CLEC17A: variants seen among roughly 807,000 people sequenced by gnomAD.
CLEC17A encodes C-type lectin domain family 17, member A.
In CLEC17A, 37 loss-of-function variants were observed where a neutral mutation model predicts 61.3. The observed-to-expected ratio is 0.60, with a 90% CI of 0.46 to 0.79. CLEC17A has a LOEUF of 0.79. Among genes scored for constraint, CLEC17A ranks in the 30% least tolerant of loss-of-function variants. The pLI is 0.00. For synonymous variants in CLEC17A, 168 were observed against 164.9 expected, an observed-to-expected ratio of 1.02 and a Z score of -0.14; for missense variants, 418 against 464.7, an observed-to-expected ratio of 0.90 and a Z score of 0.92.
At chr19:14,582,374 A>G (rs1007330935), upstream of CLEC17A, among the ~76,000 whole-genome samples, 7 of 151,302 alleles carry the variant, frequency 4.6e-5, no homozygotes, top group African/African-American at 9.7e-5. Context: ...CACCACACCC[A>G]GCTAATTTTT....
intron 2 of CLEC17A, among the ~76,000 whole-genome samples, chr19:14,586,563 T>A (rs1489145764): frequency 2.0e-5 from 3 of 151,914 alleles, no homozygotes; most frequent in South Asian, 2.1e-4. Flanking sequence ...CTGGGACTAC[T>A]GGTGTGCACC....
At chr19:14,607,313 T>TC (rs760683163) in intron 13 of CLEC17A, among the ~76,000 whole-genome samples, 65 of 151,396 alleles carry the variant, frequency 4.3e-4, no homozygotes, top group Non-Finnish European at 8.4e-4. Flanking sequence ...CAAGGTATTC[T>TC]CTGCCTCAGC....
intron 3 of CLEC17A, among the ~76,000 whole-genome samples, chr19:14,591,786 A>G (rs1055650461): frequency 1.3e-5 from 2 of 150,236 alleles, no homozygotes; most frequent in African/African-American, 4.9e-5. Flanking sequence ...TCGAACTCCC[A>G]AACTCAGGCA....
intron 3 of CLEC17A, 59 bp downstream of exon 3, chr19:14,587,750 G>A: frequency 6.2e-7 from 1 of 1,603,564 alleles, no homozygotes; most frequent in East Asian, 2.3e-5. Flanking sequence ...TCTCCAGTGG[G>A]CATTGGTTGG....
At chr19:14,593,736 G>A (rs965693839) in intron 4 of CLEC17A, among the ~76,000 whole-genome samples, 18 of 151,886 alleles carry the variant, frequency 1.2e-4, no homozygotes, top group African/African-American at 2.4e-5. Context: ...TGAGGCGGGT[G>A]GATCACGAGG....
chr19:14,591,140 T>A (rs2074403959), intron 3 of CLEC17A, among the ~76,000 whole-genome samples: 1 of 151,718 alleles, frequency 6.6e-6, no homozygotes, highest in Non-Finnish European at 1.5e-5. Flanking sequence ...TGTCATAGTT[T>A]CTTCTTTTTC....
In CLEC17A at chr19:14,610,686, A is replaced by AT. The variant is rs2075023274; in HGVS notation, c.*496dup. 6.4e-6 allele frequency: 1 copy of AT among 156,426 alleles called. No homozygotes were observed. The highest frequency in any genetic ancestry group is 6.3e-5 in the Admixed American group (1 of 15,980). The allele number at this position is 156,426 out of a possible 1,614,324, so 9.7% of individuals were successfully genotyped here. ...ACATGCGCACCACCATGCCTGGCCA[A>AT]TTTTTTGTAGCATTTAAAGAGAGGG... On this transcript the variant is annotated 3_prime_UTR_variant, in exon 14 of 14. Transcript: ENST00000417570.
chr19:14,583,169 T>C lies in CLEC17A; in HGVS notation c.9T>C (p.Asn3=), dbSNP rs2074204281. The C allele has an allele frequency of 6.2e-7, 1 of 1,613,872 alleles. No homozygotes were observed. Among genetic ancestry groups the C allele is most frequent in the Non-Finnish European group, 8.5e-7 (1 of 1,179,898 alleles). The change falls in exon 1 of 14, where the codon AAT becomes AAC. Residue 3 remains asparagine, a synonymous_variant. Transcript: ENST00000417570. ...GGTTCCCTGTGCTAGACATGCATAA[T>C]CTGTATTCCATCACTGGGTACCCGG... MH[N]LYSITGYPDP...
Position 14,596,956 on chromosome 19 carries a change from C to A in CLEC17A, c.526C>A (p.Leu176Met). 6.2e-7 allele frequency: 1 copy of A among 1,608,432 alleles called. No homozygotes were observed. Among genetic ancestry groups the A allele is most frequent in the Non-Finnish European group, 8.5e-7 (1 of 1,177,408 alleles). Residue 176 changes from leucine (L) to methionine (M), a missense_variant, in exon 9 of 14, where the codon CTG becomes ATG. Leu to Met is a conservative substitution (Grantham distance 15). Coordinates refer to ENST00000417570, the MANE Select transcript of CLEC17A (RefSeq NM_001204118.2). ...GAGGTGGATGGTGTACCTGTGTCTG[C>A]TGGTGGTGACTTCCCTGTTCCTGGG... is the stretch of plus-strand genomic sequence containing the variant. ...QKRWMVYLCLLVVTSLFLGCL... is the reference protein window; with the variant it reads ...QKRWMVYLCLMVVTSLFLGCL...
upstream of CLEC17A, chr19:14,583,079 C>T (rs1056387031): frequency 2.7e-6 from 4 of 1,476,790 alleles, no homozygotes; most frequent in African/African-American, 2.8e-5. Flanking sequence ...ACTGAGAGAG[C>T]CCCCAGACGC....
upstream of CLEC17A, among the ~76,000 whole-genome samples, chr19:14,582,405 A>G (rs1038820696): frequency 6.6e-6 from 1 of 151,026 alleles, no homozygotes; most frequent in Non-Finnish European, 1.5e-5. Flanking sequence ...GTGGAGACGG[A>G]GTTTCACTGT....
chr19:14,592,429 C>A (rs537075459), intron 4 of CLEC17A, 71 bp downstream of exon 4: 5 of 1,593,688 alleles, frequency 3.1e-6, no homozygotes, highest in Non-Finnish European at 4.3e-6. Flanking sequence ...ATTGGCTGGG[C>A]ATTGTAGACA....
intron 1 of CLEC17A, 28 bp downstream of exon 1, chr19:14,583,231 G>C: frequency 6.2e-7 from 1 of 1,613,810 alleles, no homozygotes; most frequent in Non-Finnish European, 8.5e-7. Flanking sequence ...CTGGGGCTGG[G>C]GCCTAGGTGT....
chr19:14,594,366 C>G, intron 4 of CLEC17A, 151 bp from the exon 5 acceptor site: 1 of 922,498 alleles, frequency 1.1e-6, no homozygotes, highest in Non-Finnish European at 1.7e-6. Context: ...AATCCCATCT[C>G]CATCCCTAAT....
chr19:14,588,651 A>G (rs1043040364), intron 3 of CLEC17A: 1 of 151,996 alleles, frequency 6.6e-6, no homozygotes, highest in African/African-American at 2.4e-5. Flanking sequence ...GCGCGACCCC[A>G]CTTCTAAAAA....
At chr19:14,584,833 T>C (rs572325076) in intron 2 of CLEC17A, among the ~76,000 whole-genome samples, 1 of 151,406 alleles carries the variant, frequency 6.6e-6, no homozygotes, top group Admixed American at 6.6e-5. Context: ...CCAATCCAAC[T>C]TCATCACCCT....
At chr19:14,586,783 G>A (rs541583418) in intron 2 of CLEC17A, among the ~76,000 whole-genome samples, 1 of 152,212 alleles carries the variant, frequency 6.6e-6, no homozygotes, top group Admixed American at 6.5e-5. Flanking sequence ...GAAGGAAGAA[G>A]TTTATCCATC....
Position 14,597,006 on chromosome 19 carries a change from G to C in CLEC17A, c.576G>C (p.Leu192=), listed in dbSNP as rs1288985687. 2 of 1,609,814 alleles carry C rather than the reference G, an allele frequency of 1.2e-6. No homozygotes were observed. Among genetic ancestry groups the C allele is most frequent in the Admixed American group, 3.4e-5 (2 of 59,230 alleles). The change falls in exon 9 of 14, where the codon CTG becomes CTC. Residue 192 remains leucine, a synonymous_variant. Coordinates refer to ENST00000417570, the MANE Select transcript of CLEC17A (RefSeq NM_001204118.2). ...GCTGCCTTGGTCTCACTGTGACCCT[G>C]ATTAAGTGTGAGTAGGGCCAGGAAG... ...FLGCLGLTVT[L]IKYQELMEEL...
At chr19:14,586,732 CTA>C (rs1411554759) in intron 2 of CLEC17A, among the ~76,000 whole-genome samples, 1 of 151,936 alleles carries the variant, frequency 6.6e-6, no homozygotes, top group Non-Finnish European at 1.5e-5. Flanking sequence ...CAGCCTATTT[CTA>C]TGTCTCTTTA....
Sources: gnomAD v4.1 joint callset for allele counts (sites outside exome capture counted in the v4.1 genomes callset) on GRCh38, gnomAD v4.1.1 for gene constraint, MANE v1.5 for transcripts, NCBI Gene and HGNC (gene_info 2026-07-23, HGNC 2026-07-21) for gene names.